The following KIF26A variants were observed in gnomAD, a reference collection of about 807,000 sequenced individuals.
KIF26A encodes kinesin family member 26A, also known as kinesin-like protein KIF26A.
KIF26A carries 74 observed loss-of-function variants against 126.0 expected under a neutral mutation model. The observed-to-expected ratio is 0.59, with a 90% CI of 0.49 to 0.71. The LOEUF (loss-of-function observed/expected upper bound fraction) is 0.71. Ranked by LOEUF, KIF26A falls within the 30% of genes least tolerant of loss-of-function variation. The probability of loss-of-function intolerance (pLI) is 0.00; values close to 1 mark genes in which losing one functional copy is unlikely to be tolerated. For synonymous variants in KIF26A, 1,445 were observed against 1,232.7 expected, an observed-to-expected ratio of 1.17 and a Z score of -3.61; for missense variants, 2,984 against 2,763.3, an observed-to-expected ratio of 1.08 and a Z score of -1.79.
intron 4 of KIF26A, among the ~76,000 whole-genome samples, chr14:104,162,233 C>G (rs34083540): frequency 0.51 from 77,636 of 152,086 alleles, 20,302 homozygotes; most frequent in African/African-American, 0.64. Flanking sequence ...GGCGATGGGC[C>G]CCAGGAGGAG....
rs750847994 is a variant in KIF26A, at chr14:104,177,085, G to A, written c.4297G>A (p.Ala1433Thr). ...ASKVEAAHRL[A>T]GHASLERYEG... is the part of the protein sequence containing the mutation. ...CAAGGTAGAAGCAGCACACCGTCTT[G>A]CCGGACACGCGTCTCTGGAGCGGTA... Residue 1433 changes from alanine to threonine, a missense_variant, in exon 12 of 15, where the codon GCC becomes ACC. Coordinates refer to ENST00000423312, the MANE Select transcript of KIF26A (RefSeq NM_015656.2). 1.2e-4 allele frequency: 193 copies of A among 1,596,140 alleles called. No homozygotes were observed. The highest frequency in any genetic ancestry group is 1.6e-4 in the Non-Finnish European group (184 of 1,178,882).
chr14:104,158,639 C>T (rs1457182475), intron 4 of KIF26A, among the ~76,000 whole-genome samples: 3 of 152,366 alleles, frequency 2.0e-5, no homozygotes, highest in Middle Eastern at 3.4e-3. Context: ...CTGATCCCCA[C>T]CACTGCCAGA....
chr14:104,161,375 C>T (rs1254361709), intron 4 of KIF26A, among the ~76,000 whole-genome samples: 4 of 152,154 alleles, frequency 2.6e-5, no homozygotes, highest in African/African-American at 4.8e-5. Context: ...CTGGGTTGGC[C>T]ATAAGTGATT....
Position 104,176,626 on chromosome 14 carries a change from G to C in KIF26A, c.3838G>C (p.Ala1280Pro). ...TGAGGCCCAGGTGATGCTAGCCTGT[G>C]CCCAGAGAGTGGTGGACGGGTGTGA... is the stretch of plus-strand genomic sequence containing the variant. ...LPEAQVMLAC[A>P]QRVVDGCEVA... Residue 1280 changes from alanine to proline, a missense_variant, in exon 12 of 15, where the codon GCC becomes CCC. By Grantham distance (27) the Ala-to-Pro change is conservative. Coordinates refer to ENST00000423312, the MANE Select transcript of KIF26A (RefSeq NM_015656.2). 6.2e-7 allele frequency: 1 copy of C among 1,608,188 alleles called. No individual in the cohort carries two copies. Among genetic ancestry groups the C allele is most frequent in the Non-Finnish European group, 8.5e-7 (1 of 1,178,600 alleles).
Position 104,177,623 on chromosome 14 carries a change from C to G in KIF26A, c.4835C>G (p.Pro1612Arg). ...CCCACGGGCCCGGCCCTGCCCTCCC[C>G]CTACAGCAAGGTGACCGCCCCACGG... ...RPPTGPALPSPYSKVTAPRRP... is the reference protein window; with the variant it reads ...RPPTGPALPSRYSKVTAPRRP... Residue 1612 changes from proline (P) to arginine (R), a missense_variant, in exon 12 of 15, where the codon CCC becomes CGC. Physicochemically the swap from Pro to Arg is moderately radical, Grantham distance 103 (BLOSUM62 -2). Coordinates refer to ENST00000423312, the MANE Select transcript of KIF26A (RefSeq NM_015656.2). The G allele has an allele frequency of 6.5e-7, 1 of 1,527,284 alleles. No homozygotes were observed. Among genetic ancestry groups the G allele is most frequent in the Non-Finnish European group, 8.8e-7 (1 of 1,141,736 alleles). The allele number at this position is 1,527,284 out of a possible 1,614,324, so 94.6% of individuals were successfully genotyped here. A position where few individuals can be genotyped will look rare whatever the true frequency, so the allele number is the denominator to read the frequency against.
intron 4 of KIF26A, 50 bp downstream of exon 4, chr14:104,157,992 C>G: frequency 6.9e-7 from 1 of 1,448,376 alleles, no homozygotes; most frequent in Non-Finnish European, 9.1e-7. Flanking sequence ...CCCCATGGCC[C>G]CGGCTGTGGG....
chr14:104,146,437 G>A (rs747887656), intron 2 of KIF26A, among the ~76,000 whole-genome samples: 2 of 152,106 alleles, frequency 1.3e-5, no homozygotes, highest in South Asian at 2.1e-4. Flanking sequence ...TCCTGAGGGC[G>A]GAGGCCAGGA....
Position 104,174,189 on chromosome 14 carries a change from C to T in KIF26A, c.2072C>T (p.Thr691Ile). The T allele has an allele frequency of 6.3e-7, 1 of 1,587,874 alleles. No homozygotes were observed. The highest frequency in any genetic ancestry group is 8.6e-7 in the Non-Finnish European group (1 of 1,167,606). The change falls in exon 11 of 15, where the codon ACC (threonine) becomes ATC (isoleucine). Residue 691 changes from threonine (T) to isoleucine (I), a missense_variant. By Grantham distance (89) the Thr-to-Ile change is moderately conservative (BLOSUM62 -1). Transcript: ENST00000423312. ...LTMLLRESLA[T>I]AGCRTTMIAH... The stretch of plus-strand genomic sequence containing the variant: ...ATGCTGCTGCGTGAATCCCTGGCCA[C>T]CGCTGGCTGCCGCACCACCATGATC...
Position 104,171,715 on chromosome 14 carries a change from T to C in KIF26A, c.1114-8T>C, listed in dbSNP as rs2037958598. On this transcript the variant is annotated splice_polypyrimidine_tract_variant and splice_region_variant and intron_variant, in intron 5 of 14. Coordinates refer to ENST00000423312, the MANE Select transcript of KIF26A (RefSeq NM_015656.2). ...CAGCTTCTCAGGTGCCGCCCACCTCTGCCCCAGGTGAAGGTTATGCTGCGG... is the reference window on the plus strand; with the variant it reads ...CAGCTTCTCAGGTGCCGCCCACCTCCGCCCCAGGTGAAGGTTATGCTGCGG... The C allele has an allele frequency of 6.4e-7, 1 of 1,558,008 alleles. No individual in the cohort carries two copies. The highest frequency in any genetic ancestry group is 1.4e-5 in the African/African-American group (1 of 73,606).
intron 4 of KIF26A, 111 bp downstream of exon 4, chr14:104,158,053 C>A: frequency 9.5e-7 from 1 of 1,057,888 alleles, no homozygotes; most frequent in Non-Finnish European, 1.3e-6. Context: ...ATGCTTGCTG[C>A]TGAGACGAGT....
intron 2 of KIF26A, among the ~76,000 whole-genome samples, chr14:104,150,044 C>A (rs1454695013): frequency 6.6e-6 from 1 of 152,120 alleles, no homozygotes; most frequent in Non-Finnish European, 1.5e-5. Flanking sequence ...TACATGTAGA[C>A]CTGTGTGCCC....
intron 5 of KIF26A, among the ~76,000 whole-genome samples, chr14:104,167,530 T>A (rs545424030): frequency 1.3e-5 from 2 of 152,088 alleles, no homozygotes; most frequent in Admixed American, 1.3e-4. Context: ...GACTGCCGCC[T>A]GTGGAGGGCA....
At position 104,176,126 on chromosome 14, in the gene KIF26A, G is replaced by A; in HGVS notation, c.3338G>A (p.Trp1113Ter). 1 of 1,580,846 alleles carries A rather than the reference G, an allele frequency of 6.3e-7. No individual in the cohort carries two copies. ...GSSHGSSISS[W>*]LSEVSVCTAD... ...AGTCACGGCTCCTCCATCAGCTCCT[G>A]GCTCAGCGAGGTCAGCGTCTGCACT... The change falls in exon 12 of 15, where the codon TGG becomes TAG. Residue 1113 changes from tryptophan to a stop codon, truncating the protein, a stop_gained. Coordinates refer to ENST00000423312, the MANE Select transcript of KIF26A (RefSeq NM_015656.2). LOFTEE classifies it high-confidence loss of function.
At chr14:104,170,319 T>C (rs765424903) in intron 5 of KIF26A, among the ~76,000 whole-genome samples, 5 of 152,196 alleles carry the variant, frequency 3.3e-5, no homozygotes, top group Non-Finnish European at 5.9e-5. Flanking sequence ...GAATCGATTC[T>C]TGCCTAATGG....
intron 2 of KIF26A, among the ~76,000 whole-genome samples, chr14:104,141,705 G>T (rs1023988694): frequency 6.6e-6 from 1 of 151,938 alleles, no homozygotes; most frequent in African/African-American, 2.4e-5. Context: ...GTAGAGGGAG[G>T]CGTAGAGGGT....
intron 4 of KIF26A, among the ~76,000 whole-genome samples, chr14:104,161,685 C>A (rs374923388): frequency 3.3e-5 from 5 of 152,174 alleles, no homozygotes; most frequent in Non-Finnish European, 7.3e-5. Flanking sequence ...CCCCCAGACC[C>A]CCTGCTGGCA....
In KIF26A at chr14:104,153,851, C is replaced by T. The variant is rs145393955; in HGVS notation, c.735+1390C>T. Among the ~76,000 whole-genome samples the T allele has an allele frequency of 1.5e-3, 223 of 152,338 alleles. 1 individual carries two copies. The highest frequency in any genetic ancestry group is 5.2e-3 in the African/African-American group (217 of 41,574). ...CTGCACCCTGCCCGTGGCTGAGGGT[C>T]CCAGCGGGTGGGGGTGGAGAAGATC... On this transcript the variant is annotated intron_variant, in intron 3 of 14. Transcript: ENST00000423312.
chr14:104,158,615 T>C (rs2037805257), intron 4 of KIF26A, among the ~76,000 whole-genome samples: 1 of 152,198 alleles, frequency 6.6e-6, no homozygotes, highest in Non-Finnish European at 1.5e-5. Context: ...CTGGTTTCTC[T>C]GCTCTCCCCC....
At position 104,143,337 on chromosome 14, in the gene KIF26A, A is replaced by T. The variant is rs576496738; in HGVS notation, c.288+4049A>T. Among the ~76,000 whole-genome samples the T allele has an allele frequency of 3.9e-5, 6 of 152,284 alleles. No homozygotes were observed. The East Asian group carries it at 1.2e-3, about 29-fold the overall frequency. ...CCCTGTGTACAGGGAATCAGTTGTC[A>T]TGGTCTGAGGCTGGGAGCCCTCCTA... On this transcript the variant is annotated intron_variant, in intron 2 of 14. Transcript: ENST00000423312.
Sources: gnomAD v4.1 joint callset for allele counts (sites outside exome capture counted in the v4.1 genomes callset) on GRCh38, gnomAD v4.1.1 for gene constraint, MANE v1.5 for transcripts, NCBI Gene and HGNC (gene_info 2026-07-23, HGNC 2026-07-21) for gene names.